Variants in GADL1 observed in about 807,000 individuals in gnomAD.
GADL1 encodes GAD like acidic amino acid decarboxylase 1.
A neutral mutation model predicts 69.5 loss-of-function variants in GADL1; 71 were observed. That is an observed-to-expected ratio of 1.02 (90% CI 0.84 to 1.25). The LOEUF (loss-of-function observed/expected upper bound fraction) is 1.25. Among genes scored for constraint, GADL1 ranks in the 50% most tolerant of loss-of-function variants. The pLI is 0.00. For missense variants in GADL1, 737 were observed against 631.8 expected (o/e 1.17, Z -1.79); for synonymous variants, 254 against 214.4 (o/e 1.18, Z -1.62).
Position 30,778,145 on chromosome 3 carries a change from T to C in GADL1, c.1392+34A>G, listed in dbSNP as rs769953874. On this transcript the variant is annotated intron_variant, in intron 14 of 14. Coordinates refer to ENST00000282538, the MANE Select transcript of GADL1 (RefSeq NM_207359.3). Reference sequence around the variant, plus strand: ...GATAATGTACACTGAATCTACTTCATCAAAAAGAAAAATACCATTTACTTA... The same window carrying C: ...GATAATGTACACTGAATCTACTTCACCAAAAAGAAAAATACCATTTACTTA... 10 of 1,227,974 alleles carry C rather than the reference T, an allele frequency of 8.1e-6. No homozygotes were observed. In the South Asian group the frequency reaches 1.2e-4, roughly 15 times the overall value. 76.1% of individuals were successfully genotyped at this position (1,227,974 alleles called of 1,614,324 possible).
chr3:30,842,175 A>C (rs1316888975), intron 8 of GADL1, among the ~76,000 whole-genome samples: 2 of 152,196 alleles, frequency 1.3e-5, no homozygotes, highest in African/African-American at 4.8e-5. Context: ...GATTCAGACA[A>C]GTCAACTATT....
At chr3:30,847,367 G>C (rs547736639) in intron 6 of GADL1, among the ~76,000 whole-genome samples, 2 of 152,170 alleles carry the variant, frequency 1.3e-5, no homozygotes, top group Admixed American at 1.3e-4. Context: ...ATTTGGGGTA[G>C]CACAAAAACT....
chr3:30,728,265 C>T lies in GADL1; in HGVS notation c.1543G>A (p.Asp515Asn), dbSNP rs1559481123. 1 of 1,613,820 alleles carries T rather than the reference C, an allele frequency of 6.2e-7. No homozygotes were observed. Reference sequence around the variant, plus strand: ...AGCTACATGTCTTTACCCAGTAAGTCTATCTCATCCAGGAGGAAGTCCATG... The same window carrying T: ...AGCTACATGTCTTTACCCAGTAAGTTTATCTCATCCAGGAGGAAGTCCATG... ...EDMDFLLDEIDLLGKDM is the reference protein window; with the variant it reads ...EDMDFLLDEINLLGKDM The change falls in exon 15 of 15, where the codon GAC becomes AAC. Residue 515 changes from aspartate (D) to asparagine (N), a missense_variant. Physicochemically the swap from Asp to Asn is conservative, Grantham distance 23 (BLOSUM62 1). Coordinates refer to ENST00000282538, the MANE Select transcript of GADL1 (RefSeq NM_207359.3).
chr3:30,877,620 A>G (rs139898924), intron 1 of GADL1, among the ~76,000 whole-genome samples: 78 of 152,018 alleles, frequency 5.1e-4, no homozygotes, highest in Non-Finnish European at 7.7e-4. Flanking sequence ...TACATCATAA[A>G]ATACCAACTA....
At chr3:30,784,543 G>C (rs1696747509) in intron 13 of GADL1, among the ~76,000 whole-genome samples, 1 of 152,186 alleles carries the variant, frequency 6.6e-6, no homozygotes, top group African/African-American at 2.4e-5. Context: ...TTTCTAGTCT[G>C]ATGCTTCCTT....
At chr3:30,863,325 A>G (rs1454758781) in intron 1 of GADL1, among the ~76,000 whole-genome samples, 1 of 151,998 alleles carries the variant, frequency 6.6e-6, no homozygotes, top group Non-Finnish European at 1.5e-5. Context: ...CCTGTATTAA[A>G]TGCCTTTAAA....
chr3:30,862,834 G>T (rs1453753801), intron 1 of GADL1, among the ~76,000 whole-genome samples: 1 of 151,874 alleles, frequency 6.6e-6, no homozygotes, highest in African/African-American at 2.4e-5. Flanking sequence ...GTAGCTGTTG[G>T]CCAATTTCTC....
At chr3:30,775,268 G>T (rs1229154005) in intron 14 of GADL1, among the ~76,000 whole-genome samples, 1 of 152,198 alleles carries the variant, frequency 6.6e-6, no homozygotes, top group Non-Finnish European at 1.5e-5. Flanking sequence ...TCGCACCAGC[G>T]ATTCTGAAAT....
chr3:30,861,160 T>G (rs1698314664), intron 2 of GADL1, among the ~76,000 whole-genome samples: 1 of 151,938 alleles, frequency 6.6e-6, no homozygotes, highest in Non-Finnish European at 1.5e-5. Context: ...TAAGATAAAT[T>G]TAAAATGTTT....
intron 11 of GADL1, among the ~76,000 whole-genome samples, chr3:30,801,505 C>T (rs1414639812): frequency 1.3e-5 from 2 of 151,922 alleles, no homozygotes; most frequent in Non-Finnish European, 2.9e-5. Context: ...GTTTTAAGAC[C>T]TTCTCTCCTT....
intron 11 of GADL1, among the ~76,000 whole-genome samples, chr3:30,826,790 C>CA (rs1468792521): frequency 6.6e-6 from 1 of 151,732 alleles, no homozygotes; most frequent in South Asian, 2.1e-4. Context: ...GATACTAAAA[C>CA]AAAAATAACT....
Position 30,726,322 on chromosome 3 carries a change from G to T in GADL1, c.*1920C>A, listed in dbSNP as rs903676652. On this transcript the variant is annotated 3_prime_UTR_variant, in exon 15 of 15. Transcript: ENST00000282538. ...TCCAGTTCACTTCTAAAATGTATTG[G>T]TACAATCCAGTAAAGAGGAGATGAC... 1 of 152,014 alleles carries T rather than the reference G, an allele frequency of 6.6e-6. No homozygotes were observed. The highest frequency in any genetic ancestry group is 1.5e-5 in the Non-Finnish European group (1 of 68,006). The allele number at this position is 152,014 out of a possible 1,614,324, so 9.4% of individuals were successfully genotyped here.
intron 13 of GADL1, among the ~76,000 whole-genome samples, chr3:30,780,891 T>C: frequency 6.6e-6 from 1 of 152,210 alleles, no homozygotes; most frequent in Non-Finnish European, 1.5e-5. Context: ...AGTCTTTGAA[T>C]TTTTGCAAAA....
chr3:30,757,591 C>T (rs1052408052), intron 14 of GADL1, among the ~76,000 whole-genome samples: 1 of 152,122 alleles, frequency 6.6e-6, no homozygotes, highest in Non-Finnish European at 1.5e-5. Context: ...TGGATTTCTG[C>T]TTTAAGTTTG....
intron 9 of GADL1, among the ~76,000 whole-genome samples, chr3:30,837,049 G>T (rs1027733840): frequency 3.3e-5 from 5 of 151,872 alleles, no homozygotes; most frequent in Non-Finnish European, 5.9e-5. Context: ...ATTTTTTTAA[G>T]TAAGTGCATC....
chr3:30,763,528 A>G, intron 14 of GADL1, among the ~76,000 whole-genome samples: 2 of 140,804 alleles, frequency 1.4e-5, no homozygotes. Context: ...GGTGGGGGGG[A>G]ATATTGTAAG....
At chr3:30,813,029 C>G (rs9814911) in intron 11 of GADL1, among the ~76,000 whole-genome samples, 21,337 of 152,022 alleles carry the variant, frequency 0.14, 1,682 homozygotes, top group East Asian at 0.28. Context: ...TGCACACACA[C>G]TCCATGAGAA....
intron 14 of GADL1, among the ~76,000 whole-genome samples, chr3:30,729,509 G>A (rs1283296217): frequency 6.6e-6 from 1 of 152,136 alleles, no homozygotes; most frequent in African/African-American, 2.4e-5. Context: ...AAGAACACCA[G>A]GCAGAGTGTG....
chr3:30,732,304 C>T (rs923045958), intron 14 of GADL1, among the ~76,000 whole-genome samples: 2 of 152,176 alleles, frequency 1.3e-5, no homozygotes, highest in African/African-American at 2.4e-5. Context: ...AGTGAGATTG[C>T]TTTCCAGCTC....
Sources: gnomAD v4.1 joint callset for allele counts (sites outside exome capture counted in the v4.1 genomes callset) on GRCh38, gnomAD v4.1.1 for gene constraint, MANE v1.5 for transcripts, NCBI Gene and HGNC (gene_info 2026-07-23, HGNC 2026-07-21) for gene names.